MAF: variants seen among roughly 807,000 people sequenced by gnomAD.
MAF encodes MAF bZIP transcription factor, also known as transcription factor Maf.
In MAF, 10 loss-of-function variants were observed where a neutral mutation model predicts 22.0. The ratio of observed to expected loss-of-function variants is 0.45; its 90% CI spans 0.28 to 0.77. The LOEUF (loss-of-function observed/expected upper bound fraction) is 0.77. MAF is among the 30% of genes least tolerant of loss of function. The pLI, the probability that MAF is intolerant of heterozygous loss-of-function variation, is 0.12. For synonymous variants in MAF, 337 were observed against 255.8 expected (o/e 1.32, Z -3.03); for missense variants, 544 against 548.4 (o/e 0.99, Z 0.08).
chr16:79,442,748 G>C, the MAF span, among the ~76,000 whole-genome samples: 2 of 152,198 alleles, frequency 1.3e-5, no homozygotes, highest in African/African-American at 4.8e-5. Context: ...TCTCCCAGTA[G>C]CCAGTGTGGC....
At chr16:79,594,895 A>G (rs1230489243) in intron 1 of MAF, 31 of 1,201,106 alleles carry the variant, frequency 2.6e-5, no homozygotes, top group Non-Finnish European at 3.1e-5. Context: ...CCTGCTTATT[A>G]TATTCAACTA....
At chr16:79,274,475 C>T in the MAF span, among the ~76,000 whole-genome samples, 1 of 152,136 alleles carries the variant, frequency 6.6e-6, no homozygotes, top group Non-Finnish European at 1.5e-5. Flanking sequence ...CTAGGAGCTG[C>T]ACCCTGGAGA....
the MAF span, among the ~76,000 whole-genome samples, chr16:79,564,865 G>A: frequency 6.6e-6 from 1 of 152,150 alleles, no homozygotes; most frequent in Admixed American, 6.5e-5. Context: ...GTGGGGAAGC[G>A]ACTTCTGCAA....
At chr16:79,541,118 TACC>T in the MAF span, among the ~76,000 whole-genome samples, 2,495 of 152,316 alleles carry the variant, frequency 0.016, 32 homozygotes, top group Non-Finnish European at 0.027. Context: ...CTACTGATAT[TACC>T]ACTACTATAC....
the MAF span, among the ~76,000 whole-genome samples, chr16:79,432,824 G>A: frequency 6.6e-6 from 1 of 152,152 alleles, no homozygotes; most frequent in African/African-American, 2.4e-5. Flanking sequence ...ATCAAAGATG[G>A]CAGCCAACTA....
chr16:79,335,630 G>C, the MAF span, among the ~76,000 whole-genome samples: 3 of 152,122 alleles, frequency 2.0e-5, no homozygotes, highest in African/African-American at 7.2e-5. Context: ...GACCCCCAAG[G>C]GGAAGGGAGG....
At chr16:79,408,078 C>A in the MAF span, among the ~76,000 whole-genome samples, 350 of 81,534 alleles carry the variant, frequency 4.3e-3, no homozygotes, top group Middle Eastern at 0.011. Flanking sequence ...TTTTACCTTT[C>A]AAAAAAAAAA....
the MAF span, among the ~76,000 whole-genome samples, chr16:79,368,192 T>C: frequency 1.3e-5 from 2 of 152,178 alleles, no homozygotes; most frequent in African/African-American, 2.4e-5. Context: ...AGGCTAGTTT[T>C]CATCGCGTCT....
At chr16:79,414,477 G>A in the MAF span, among the ~76,000 whole-genome samples, 1 of 152,086 alleles carries the variant, frequency 6.6e-6, no homozygotes, top group Non-Finnish European at 1.5e-5. Context: ...CTGTGAGGAG[G>A]GCACAAAGCC....
At chr16:79,231,779 C>T in the MAF span, among the ~76,000 whole-genome samples, 1 of 152,108 alleles carries the variant, frequency 6.6e-6, no homozygotes, top group African/African-American at 2.4e-5. Context: ...GATTTAAGCA[C>T]GTTACATTTA....
chr16:79,439,123 C>A, the MAF span, among the ~76,000 whole-genome samples: 1 of 152,106 alleles, frequency 6.6e-6, no homozygotes, highest in Non-Finnish European at 1.5e-5. Flanking sequence ...CACTGCACTT[C>A]GCAGCACTGC....
At chr16:79,301,767 A>G in the MAF span, among the ~76,000 whole-genome samples, 2 of 152,220 alleles carry the variant, frequency 1.3e-5, no homozygotes, top group Admixed American at 6.5e-5. Flanking sequence ...GCCATCATTG[A>G]GCACTTACTG....
the MAF span, among the ~76,000 whole-genome samples, chr16:79,457,545 C>T: frequency 1.3e-5 from 2 of 152,076 alleles, no homozygotes; most frequent in African/African-American, 4.8e-5. Context: ...CTGAAATATG[C>T]TGACAATAGT....
At chr16:79,215,184 G>T in the MAF span, among the ~76,000 whole-genome samples, 3 of 152,146 alleles carry the variant, frequency 2.0e-5, no homozygotes, top group African/African-American at 7.2e-5. Flanking sequence ...CATGCAGATT[G>T]CCTGCACCAG....
the MAF span, among the ~76,000 whole-genome samples, chr16:79,310,383 AAGAG>A: frequency 1.7e-4 from 26 of 151,866 alleles, no homozygotes; most frequent in African/African-American, 4.6e-4. Flanking sequence ...GACAGAGAGT[AAGAG>A]AGAGAGAGAC....
At chr16:79,208,393 A>AG in the MAF span, among the ~76,000 whole-genome samples, 1 of 150,334 alleles carries the variant, frequency 6.7e-6, no homozygotes, top group African/African-American at 2.5e-5. Flanking sequence ...AAAAAAAAAA[A>AG]TCGTTTAGGG....
chr16:79,455,666 T>C, the MAF span, among the ~76,000 whole-genome samples: 4 of 152,310 alleles, frequency 2.6e-5, no homozygotes, highest in Non-Finnish European at 4.4e-5. Context: ...CATTAAAAAA[T>C]TGATTTTGAA....
chr16:79,331,470 C>G, the MAF span, among the ~76,000 whole-genome samples: 1 of 152,194 alleles, frequency 6.6e-6, no homozygotes, highest in African/African-American at 2.4e-5. Context: ...GTTTGCCTTT[C>G]TTTCTTGATG....
the MAF span, among the ~76,000 whole-genome samples, chr16:79,546,488 C>T: frequency 4.6e-5 from 7 of 152,250 alleles, no homozygotes; most frequent in African/African-American, 1.2e-4. Flanking sequence ...ACGTGGAAAG[C>T]AGAAGCGTTC....
Sources: gnomAD v4.1 joint callset for allele counts (sites outside exome capture counted in the v4.1 genomes callset) on GRCh38, gnomAD v4.1.1 for gene constraint, MANE v1.5 for transcripts, NCBI Gene and HGNC (gene_info 2026-07-23, HGNC 2026-07-21) for gene names.